ASTN2: variants seen among roughly 807,000 people sequenced by gnomAD.
ASTN2 encodes the protein astrotactin 2, also known as astrotactin-2.
A neutral mutation model predicts 139.8 loss-of-function variants in ASTN2; 54 were observed. The observed-to-expected ratio is 0.39, with a 90% confidence interval of 0.31 to 0.48. The LOEUF (loss-of-function observed/expected upper bound fraction) is 0.48. Ranked by LOEUF, ASTN2 falls within the 20% of genes least tolerant of loss-of-function variation. The pLI, the probability that ASTN2 is intolerant of heterozygous loss-of-function variation, is 0.95. For synonymous variants in ASTN2, 756 were observed against 719.5 expected (o/e 1.05, Z -0.81); for missense variants, 1,565 against 1,725.1 (o/e 0.91, Z 1.64).
chr9:116,543,595 T>C (rs1851967907), intron 19 of ASTN2: 1 of 152,224 alleles, frequency 6.6e-6, no homozygotes, highest in Non-Finnish European at 1.5e-5. Context: ...TCCTGTGTTG[T>C]TCAGTTGAAC....
At chr9:116,526,621 C>CAA (rs34222127) in intron 19 of ASTN2, among the ~76,000 whole-genome samples, 22,007 of 137,076 alleles carry the variant, frequency 0.16, 1,809 homozygotes, top group African/African-American at 0.21. Context: ...GAACTTGTCT[C>CAA]AAAAAAAAAA....
chr9:117,232,648 T>C (rs1490829952), intron 2 of ASTN2, among the ~76,000 whole-genome samples: 2 of 152,192 alleles, frequency 1.3e-5, no homozygotes, highest in Non-Finnish European at 2.9e-5. Flanking sequence ...CAAACTGTTC[T>C]CAATTCAAGT....
chr9:117,328,543 T>C (rs185335730), intron 1 of ASTN2, among the ~76,000 whole-genome samples: 5 of 152,222 alleles, frequency 3.3e-5, no homozygotes, highest in Admixed American at 2.6e-4. Flanking sequence ...CTGAGTCCAT[T>C]GGTATTCTCT....
At chr9:116,580,039 C>A (rs1419842837) in intron 19 of ASTN2, among the ~76,000 whole-genome samples, 1 of 152,204 alleles carries the variant, frequency 6.6e-6, no homozygotes, top group East Asian at 1.9e-4. Context: ...TCAGGTTGGT[C>A]TCAAACTCCT....
chr9:116,450,074 C>T (rs1848128793), intron 20 of ASTN2, among the ~76,000 whole-genome samples: 1 of 152,150 alleles, frequency 6.6e-6, no homozygotes. Context: ...TTTGTTGTGT[C>T]ATCAATAGTA....
intron 19 of ASTN2, among the ~76,000 whole-genome samples, chr9:116,540,148 A>G (rs1851817377): frequency 6.6e-6 from 1 of 152,160 alleles, no homozygotes; most frequent in Admixed American, 6.6e-5. Flanking sequence ...CTCCATTCCT[A>G]AGATTTCATG....
chr9:116,493,816 G>A (rs925416323), intron 19 of ASTN2, among the ~76,000 whole-genome samples: 4 of 152,142 alleles, frequency 2.6e-5, no homozygotes, highest in East Asian at 1.9e-4. Context: ...GGGTGGGGAC[G>A]GCAAGTTTTT....
At chr9:117,150,251 A>AT (rs1233996081) in intron 3 of ASTN2, among the ~76,000 whole-genome samples, 1 of 152,176 alleles carries the variant, frequency 6.6e-6, no homozygotes, top group Non-Finnish European at 1.5e-5. Context: ...ATGTAAATGA[A>AT]TGTGCTTTCA....
intron 6 of ASTN2, among the ~76,000 whole-genome samples, chr9:117,022,764 A>G (rs980986475): frequency 6.6e-6 from 1 of 152,114 alleles, no homozygotes; most frequent in Admixed American, 6.6e-5. Flanking sequence ...TTGGGGACTC[A>G]GCAGCAGGAT....
At chr9:117,196,146 C>G (rs956718395) in intron 3 of ASTN2, among the ~76,000 whole-genome samples, 1 of 152,152 alleles carries the variant, frequency 6.6e-6, no homozygotes, top group African/African-American at 2.4e-5. Flanking sequence ...CCTGACTCAG[C>G]CATACTCCAG....
chr9:117,046,151 C>T (rs533394950), intron 5 of ASTN2, among the ~76,000 whole-genome samples: 3 of 152,146 alleles, frequency 2.0e-5, no homozygotes, highest in East Asian at 3.9e-4. Context: ...TAGGCAAACG[C>T]CACCACACCT....
chr9:116,496,248 G>A (rs923528106), intron 19 of ASTN2, among the ~76,000 whole-genome samples: 1 of 152,160 alleles, frequency 6.6e-6, no homozygotes, highest in African/African-American at 2.4e-5. Flanking sequence ...ACTTAGAATG[G>A]TGTCTGTACA....
chr9:116,625,575 A>G (rs1856406955), intron 17 of ASTN2, among the ~76,000 whole-genome samples: 1 of 73,374 alleles, frequency 1.4e-5, no homozygotes, highest in African/African-American at 4.9e-5. Flanking sequence ...ACAGCTTTCT[A>G]AAACACCTCT....
At chr9:117,248,102 A>G (rs1833434862) in intron 2 of ASTN2, among the ~76,000 whole-genome samples, 1 of 152,210 alleles carries the variant, frequency 6.6e-6, no homozygotes, top group Non-Finnish European at 1.5e-5. Flanking sequence ...TCAACGCCCC[A>G]GCCTCTGGCA....
chr9:116,722,788 C>T (rs1588239775), intron 16 of ASTN2, among the ~76,000 whole-genome samples: 1 of 152,276 alleles, frequency 6.6e-6, no homozygotes, highest in East Asian at 1.9e-4. Flanking sequence ...CCGAGTTTGA[C>T]CCTCCACTCC....
intron 19 of ASTN2, among the ~76,000 whole-genome samples, chr9:116,492,453 GCTTCT>G (rs1464564355): frequency 2.0e-5 from 3 of 152,108 alleles, no homozygotes; most frequent in Non-Finnish European, 4.4e-5. Context: ...TTTCATCCAA[GCTTCT>G]CTTTTTACAG....
intron 10 of ASTN2, among the ~76,000 whole-genome samples, chr9:116,935,447 A>G (rs1835040263): frequency 6.6e-6 from 1 of 152,236 alleles, no homozygotes; most frequent in South Asian, 2.1e-4. Flanking sequence ...AACCTAGTAT[A>G]TAGAAGACAC....
intron 12 of ASTN2, among the ~76,000 whole-genome samples, chr9:116,809,994 G>A (rs1345539178): frequency 6.6e-6 from 1 of 152,134 alleles, no homozygotes; most frequent in Non-Finnish European, 1.5e-5. Flanking sequence ...CCTTGTTATG[G>A]CAAGCTTGGA....
intron 1 of ASTN2, among the ~76,000 whole-genome samples, chr9:117,369,259 A>C (rs903053966): frequency 6.6e-6 from 1 of 152,108 alleles, no homozygotes; most frequent in African/African-American, 2.4e-5. Flanking sequence ...CATGATTATA[A>C]TGATTCATTA....
Sources: allele counts gnomAD v4.1 joint callset (sites outside exome capture counted in the v4.1 genomes callset), GRCh38; gene constraint gnomAD v4.1.1; transcripts MANE v1.5; gene names NCBI Gene and HGNC (gene_info 2026-07-23, HGNC 2026-07-21).